The following SUB1 variants were observed in gnomAD, a reference collection of about 807,000 sequenced individuals.
The protein encoded by SUB1 is activated RNA polymerase II transcriptional coactivator p15.
A neutral mutation model predicts 16.9 loss-of-function variants in SUB1; 1 was observed. The ratio of observed to expected loss-of-function variants is 0.06; its 90% confidence interval spans 0.02 to 0.28. SUB1 has a LOEUF of 0.28. Ranked by LOEUF, SUB1 falls within the 10% of genes least tolerant of loss-of-function variation. The pLI is 1.00. For missense variants in SUB1, 84 were observed against 145.2 expected (o/e 0.58, Z 2.16); for synonymous variants, 51 against 46.9 (o/e 1.09, Z -0.36).
In SUB1 at chr5:32,591,586, T is replaced by C; in HGVS notation, c.96T>C (p.Ala32=). 1 of 1,604,258 alleles carries C rather than the reference T, an allele frequency of 6.2e-7. No individual in the cohort carries two copies. Among genetic ancestry groups the C allele is most frequent in the Non-Finnish European group, 8.5e-7 (1 of 1,176,824 alleles). The change falls in exon 3 of 5, where the codon GCT becomes GCC. Residue 32 remains alanine, a synonymous_variant. Transcript: ENST00000265073. ...DKKLKRKKQV[A]PEKPVKKQKT... The stretch of plus-strand genomic sequence containing the variant: ...AGTTAAAGAGGAAAAAGCAAGTTGC[T>C]CCAGAAAAACCTGTAAAGAAACAAA...
chr5:32,588,356 A>T (rs1220456758), intron 1 of SUB1, among the ~76,000 whole-genome samples, 156 bp from the exon 2 acceptor site: 1 of 152,226 alleles, frequency 6.6e-6, no homozygotes, highest in Non-Finnish European at 1.5e-5. Context: ...AAGGGTATAG[A>T]TTAAAACTTG....
Position 32,588,595 on chromosome 5 carries a change from C to G in SUB1, c.72+11C>G. ...GAGGTTGACAAAAAGGTGACTACTG[C>G]TGCACCAAGTCATTTTGGTGATACT... On this transcript the variant is annotated intron_variant, in intron 2 of 4. Coordinates refer to ENST00000265073, the MANE Select transcript of SUB1 (RefSeq NM_006713.4). The G allele has an allele frequency of 6.2e-7, 1 of 1,610,816 alleles. No homozygotes were observed. The highest frequency in any genetic ancestry group is 1.1e-5 in the South Asian group (1 of 90,746).
chr5:32,586,738 TAACTA>T (rs1264815160), intron 1 of SUB1, among the ~76,000 whole-genome samples: 2 of 152,114 alleles, frequency 1.3e-5, no homozygotes, highest in Admixed American at 6.5e-5. Flanking sequence ...ATAAAAAACT[TAACTA>T]AATTGATTTT....
chr5:32,586,392 CTTTTT>C (rs1579507050), intron 1 of SUB1: 2 of 152,208 alleles, frequency 1.3e-5, no homozygotes, highest in East Asian at 3.9e-4. Flanking sequence ...TTTCGTTTCT[CTTTTT>C]AAAGTTGCGT....
At chr5:32,586,782 A>G (rs938504456) in intron 1 of SUB1, among the ~76,000 whole-genome samples, 8 of 152,376 alleles carry the variant, frequency 5.3e-5, no homozygotes, top group African/African-American at 1.9e-4. Flanking sequence ...TGGAGCAGAA[A>G]CAGGAAAAAC....
Position 32,591,565 on chromosome 5 carries a change from A to G in SUB1, c.75A>G (p.Leu25=), listed in dbSNP as rs1312412756. Residue 25 remains leucine, a splice_region_variant and synonymous_variant, in exon 3 of 5, where the codon TTA becomes TTG. Coordinates refer to ENST00000265073, the MANE Select transcript of SUB1 (RefSeq NM_006713.4). ...ATTTTAACCATATTCTTTTCTAGTT[A>G]AAGAGGAAAAAGCAAGTTGCTCCAG... ...SDSDSEVDKK[L]KRKKQVAPEK... is the part of the protein sequence containing the mutation. 1 of 1,594,204 alleles carries G rather than the reference A, an allele frequency of 6.3e-7. No homozygotes were observed. The highest frequency in any genetic ancestry group is 1.4e-5 in the African/African-American group (1 of 73,416).
intron 1 of SUB1, among the ~76,000 whole-genome samples, chr5:32,586,793 G>A (rs1738682524): frequency 1.3e-5 from 2 of 152,154 alleles, no homozygotes. Flanking sequence ...CAGGAAAAAC[G>A]GATAAAACGT....
At chr5:32,585,904 C>G (rs1038444587) in intron 1 of SUB1, 3 of 152,926 alleles carry the variant, frequency 2.0e-5, no homozygotes, top group African/African-American at 7.2e-5. Context: ...TGAGGGCGGC[C>G]GGGGAGTGAG....
chr5:32,602,447 A>T lies in SUB1; in HGVS notation c.*1363A>T, dbSNP rs1268125458. ...AGACATATAAAAGATTCTTGTTGAC[A>T]AATTATTTTTGGTAGCAAATCTCAA... On this transcript the variant is annotated 3_prime_UTR_variant, in exon 5 of 5. Transcript: ENST00000265073. 4.5e-6 allele frequency: 1 copy of T among 222,798 alleles called. No homozygotes were observed. Among genetic ancestry groups the T allele is most frequent in the African/African-American group, 2.3e-5 (1 of 43,310 alleles). 13.8% of individuals were successfully genotyped at this position (222,798 alleles called of 1,614,324 possible).
intron 3 of SUB1, among the ~76,000 whole-genome samples, chr5:32,594,304 G>C (rs1738902032): frequency 2.0e-5 from 3 of 152,168 alleles, no homozygotes; most frequent in Non-Finnish European, 1.5e-5. Context: ...ATCTGTGATA[G>C]TAAAGAGACT....
At chr5:32,600,907 A>T in intron 4 of SUB1, 98 bp from the exon 5 acceptor site, 2 of 1,170,988 alleles carry the variant, frequency 1.7e-6, no homozygotes, top group East Asian at 5.0e-5. Context: ...GCCCAGCCTA[A>T]AGTGGCAATT....
At chr5:32,587,523 C>T (rs1337424224) in intron 1 of SUB1, among the ~76,000 whole-genome samples, 1 of 152,034 alleles carries the variant, frequency 6.6e-6, no homozygotes, top group Non-Finnish European at 1.5e-5. Flanking sequence ...AGGTTTTGCA[C>T]CTCCCATAAA....
chr5:32,589,881 A>G (rs1190496247), intron 2 of SUB1, among the ~76,000 whole-genome samples: 1 of 152,068 alleles, frequency 6.6e-6, no homozygotes, highest in African/African-American at 2.4e-5. Flanking sequence ...AAGCTTAGCA[A>G]TTTTAGCTAA....
intron 1 of SUB1, among the ~76,000 whole-genome samples, chr5:32,586,842 G>T (rs1340258090): frequency 6.6e-6 from 1 of 152,174 alleles, no homozygotes; most frequent in Non-Finnish European, 1.5e-5. Flanking sequence ...ATTTACCCTT[G>T]AAGACATTAC....
rs1413636822 is a variant in SUB1, at chr5:32,593,289, G to GC, written c.195+1606dup. ...GAAAGTGCTGGGATTACAGGCGTGA[G>GC]CCACCGTGACTGGCCAAGACTGTAG... On this transcript the variant is annotated intron_variant, in intron 3 of 4. Coordinates refer to ENST00000265073, the MANE Select transcript of SUB1 (RefSeq NM_006713.4). Among the ~76,000 whole-genome samples the GC allele has an allele frequency of 3.3e-5, 5 of 152,196 alleles. No individual in the cohort carries two copies. The South Asian group carries it at 1.0e-3, about 32-fold the overall frequency.
rs141384367 is a variant in SUB1 at position 32,598,677 on chromosome 5, CCTAA to C, written c.196-281_196-278del. On this transcript the variant is annotated intron_variant, in intron 3 of 4. Transcript: ENST00000265073. ...GTATGTTTTATGCATTCATGACATACCTAACTTTTTCTTAATGTTTTCGTTATTT... is the reference window on the plus strand; with the variant it reads ...GTATGTTTTATGCATTCATGACATACCTTTTTCTTAATGTTTTCGTTATTT... 2,238 of 239,098 alleles carry C rather than the reference CCTAA, an allele frequency of 9.4e-3. 61 individuals carry two copies. The highest frequency in any genetic ancestry group is 0.048 in the African/African-American group (2,109 of 44,218). 14.8% of individuals were successfully genotyped at this position (239,098 alleles called of 1,614,324 possible). A position where few individuals can be genotyped will look rare whatever the true frequency, so the allele number is the denominator to read the frequency against.
intron 1 of SUB1, among the ~76,000 whole-genome samples, chr5:32,588,244 A>G (rs1352868699): frequency 1.3e-5 from 2 of 152,180 alleles, no homozygotes; most frequent in African/African-American, 2.4e-5. Context: ...AGAAAGATCC[A>G]TTGGCCTGGA....
At position 32,601,147 on chromosome 5, in the gene SUB1, G is replaced by A. The variant is rs1739105069; in HGVS notation, c.*63G>A. On this transcript the variant is annotated 3_prime_UTR_variant, in exon 5 of 5. Coordinates refer to ENST00000265073, the MANE Select transcript of SUB1 (RefSeq NM_006713.4). ...TTGTTTTAATCTGTCTTTTTACATT[G>A]GCTTTTGTTTTCTAAATGTTCTCCA... 7.5e-7 allele frequency: 1 copy of A among 1,338,930 alleles called. No homozygotes were observed. Among genetic ancestry groups the A allele is most frequent in the Non-Finnish European group, 1.0e-6 (1 of 954,780 alleles). 82.9% of individuals were successfully genotyped at this position (1,338,930 alleles called of 1,614,324 possible).
At chr5:32,590,116 T>TA (rs1370161305) in intron 2 of SUB1, among the ~76,000 whole-genome samples, 3 of 152,200 alleles carry the variant, frequency 2.0e-5, no homozygotes, top group Admixed American at 2.0e-4. Flanking sequence ...AGGGAATACT[T>TA]AGAGCCTGAT....
Sources: gnomAD v4.1 joint callset for allele counts (sites outside exome capture counted in the v4.1 genomes callset) on GRCh38, gnomAD v4.1.1 for gene constraint, MANE v1.5 for transcripts, NCBI Gene and HGNC (gene_info 2026-07-23, HGNC 2026-07-21) for gene names.